The following NEK7 variants were observed in gnomAD, a reference collection of about 807,000 sequenced individuals.
The protein encoded by NEK7 is NIMA related kinase 7.
A neutral mutation model predicts 44.6 loss-of-function variants in NEK7; 18 were observed. The observed-to-expected ratio is 0.40, with a 90% CI of 0.28 to 0.60. NEK7 has a LOEUF of 0.60. NEK7 is among the 20% of genes least tolerant of loss of function. The pLI, the probability that NEK7 is intolerant of heterozygous loss-of-function variation, is 0.38. For missense variants in NEK7, 256 were observed against 366.5 expected, an observed-to-expected ratio of 0.70 and a Z score of 2.46; for synonymous variants, 130 against 121.1, an observed-to-expected ratio of 1.07 and a Z score of -0.48.
intron 1 of NEK7, among the ~76,000 whole-genome samples, chr1:198,163,082 CTTATA>C (rs758370921): frequency 6.6e-5 from 10 of 151,830 alleles, no homozygotes; most frequent in African/African-American, 2.2e-4. Context: ...GACATATGTC[CTTATA>C]TTATGGTTGG....
At chr1:198,227,537 C>T (rs1666262969) in intron 1 of NEK7, among the ~76,000 whole-genome samples, 1 of 152,158 alleles carries the variant, frequency 6.6e-6, no homozygotes, top group Non-Finnish European at 1.5e-5. Context: ...CCTGTTGTTT[C>T]CTGGCTTTTT....
At chr1:198,236,956 A>G (rs998854819) in intron 2 of NEK7, among the ~76,000 whole-genome samples, 1 of 151,746 alleles carries the variant, frequency 6.6e-6, no homozygotes, top group South Asian at 2.1e-4. Flanking sequence ...TCTAAAATCT[A>G]CTCTAATTAA....
At chr1:198,271,247 CCTT>C (rs1250318184) in intron 5 of NEK7, among the ~76,000 whole-genome samples, 3 of 151,952 alleles carry the variant, frequency 2.0e-5, no homozygotes, top group South Asian at 2.1e-4. Flanking sequence ...CTGCAAAATC[CCTT>C]CTTCTTTATA....
chr1:198,285,954 A>C (rs1654354433), intron 7 of NEK7, among the ~76,000 whole-genome samples: 1 of 152,070 alleles, frequency 6.6e-6, no homozygotes, highest in African/African-American at 2.4e-5. Context: ...CATCTTTCTA[A>C]ATTGGAAAAT....
chr1:198,274,421 A>G (rs1653954423), intron 5 of NEK7, among the ~76,000 whole-genome samples: 1 of 151,728 alleles, frequency 6.6e-6, no homozygotes, highest in Non-Finnish European at 1.5e-5. Flanking sequence ...GACCTGCATA[A>G]CACAGGTTTC....
chr1:198,233,037 T>C (rs1025295566), intron 2 of NEK7, among the ~76,000 whole-genome samples: 1 of 151,984 alleles, frequency 6.6e-6, no homozygotes, highest in Admixed American at 6.6e-5. Flanking sequence ...CTTTTAACTT[T>C]ATTTGAATGA....
chr1:198,268,118 G>A (rs997914621), intron 5 of NEK7, among the ~76,000 whole-genome samples: 1 of 150,158 alleles, frequency 6.7e-6, no homozygotes, highest in African/African-American at 2.5e-5. Context: ...GGCCTTTAAT[G>A]ATGGAATTTT....
intron 1 of NEK7, chr1:198,198,162 G>A (rs1388300842): frequency 1.1e-5 from 9 of 791,486 alleles, no homozygotes; most frequent in South Asian, 8.4e-5. Context: ...TTTGGTCCTG[G>A]CTGGCCGGCA....
intron 1 of NEK7, among the ~76,000 whole-genome samples, chr1:198,167,481 C>G (rs1664302744): frequency 6.6e-6 from 1 of 152,124 alleles, no homozygotes. Flanking sequence ...GAGAAAATGC[C>G]ACTTCAAGCA....
At position 198,157,245 on chromosome 1, in the gene NEK7, G is replaced by C. The variant is rs1663918638; in HGVS notation, c.-60G>C. 6.6e-6 allele frequency: 1 copy of C among 152,064 alleles called. No individual in the cohort carries two copies. The highest frequency in any genetic ancestry group is 1.5e-5 in the Non-Finnish European group (1 of 68,030). The allele number at this position is 152,064 out of a possible 1,614,324, so 9.4% of individuals were successfully genotyped here. On this transcript the variant is annotated 5_prime_UTR_variant, in exon 1 of 10. Coordinates refer to ENST00000367385, the MANE Select transcript of NEK7 (RefSeq NM_133494.3). ...CACCCGCCCGCCCAAGGTCTCTCGC[G>C]GGCGGGAGAACGGAAAACTCCCAAC...
intron 1 of NEK7, among the ~76,000 whole-genome samples, chr1:198,217,330 GAAAAC>G (rs1665950328): frequency 6.6e-6 from 1 of 151,944 alleles, no homozygotes; most frequent in Non-Finnish European, 1.5e-5. Context: ...GAACAGAATT[GAAAAC>G]AAAACCATAT....
intron 1 of NEK7, among the ~76,000 whole-genome samples, chr1:198,191,886 T>G (rs749963243): frequency 3.3e-5 from 5 of 152,120 alleles, no homozygotes; most frequent in Non-Finnish European, 5.9e-5. Context: ...ATTGATTGAA[T>G]AGTCTATACT....
At chr1:198,233,107 G>A (rs1404736593) in intron 2 of NEK7, among the ~76,000 whole-genome samples, 2 of 150,772 alleles carry the variant, frequency 1.3e-5, no homozygotes, top group Admixed American at 6.6e-5. Context: ...AAAAAAAAAG[G>A]TGAGACTGTG....
At chr1:198,245,294 T>C (rs1392253337) in intron 2 of NEK7, 1 of 169,276 alleles carries the variant, frequency 5.9e-6, no homozygotes, top group Non-Finnish European at 1.5e-5. Flanking sequence ...ACTTGTGTTG[T>C]TCAAGAGTCA....
chr1:198,317,489 A>C (rs1268587534), intron 9 of NEK7, among the ~76,000 whole-genome samples: 1 of 152,178 alleles, frequency 6.6e-6, no homozygotes, highest in Non-Finnish European at 1.5e-5. Flanking sequence ...AACGTGCATC[A>C]TTATATCTCT....
chr1:198,163,419 C>T (rs1017494518), intron 1 of NEK7, among the ~76,000 whole-genome samples: 1 of 151,756 alleles, frequency 6.6e-6, no homozygotes, highest in Non-Finnish European at 1.5e-5. Context: ...TTGCTTGGGC[C>T]TGGAGGATGG....
At position 198,262,650 on chromosome 1, in the gene NEK7, C is replaced by G. The variant is rs1653515889; in HGVS notation, c.261+13C>G. The G allele has an allele frequency of 1.3e-6, 2 of 1,491,872 alleles. No individual in the cohort carries two copies. 92.4% of individuals were successfully genotyped at this position (1,491,872 alleles called of 1,614,324 possible). On this transcript the variant is annotated intron_variant, in intron 4 of 9. Transcript: ENST00000367385. ...AGATCTTCTTAAGGTAATTAATGAACTGTTGACTCTTTTGAACATAACATG... is the reference window on the plus strand; with the variant it reads ...AGATCTTCTTAAGGTAATTAATGAAGTGTTGACTCTTTTGAACATAACATG...
intron 1 of NEK7, among the ~76,000 whole-genome samples, chr1:198,189,497 CCTT>C (rs2102763579): frequency 6.6e-6 from 1 of 152,140 alleles, no homozygotes; most frequent in Admixed American, 6.6e-5. Context: ...CATTATTAAT[CCTT>C]CTTTTGGTAT....
At chr1:198,296,028 A>G (rs1654707805) in intron 8 of NEK7, among the ~76,000 whole-genome samples, 1 of 152,228 alleles carries the variant, frequency 6.6e-6, no homozygotes, top group South Asian at 2.1e-4. Flanking sequence ...TTGATTTCCA[A>G]TCCCATCCCC....
Sources: allele counts gnomAD v4.1 joint callset (sites outside exome capture counted in the v4.1 genomes callset), GRCh38; gene constraint gnomAD v4.1.1; transcripts MANE v1.5; gene names NCBI Gene and HGNC (gene_info 2026-07-23, HGNC 2026-07-21).